GRIK2: variants seen among roughly 807,000 people sequenced by gnomAD.
GRIK2 encodes glutamate ionotropic receptor kainate type subunit 2.
Under a neutral mutation model 100.3 loss-of-function variants are expected in GRIK2, and 32 were observed. The ratio of observed to expected loss-of-function variants is 0.32; its 90% CI spans 0.24 to 0.43. GRIK2 has a LOEUF of 0.43. Ranked by LOEUF, GRIK2 falls within the 20% of genes least tolerant of loss-of-function variation. The pLI, the probability that GRIK2 is intolerant of heterozygous loss-of-function variation, is 1.00. For missense variants in GRIK2, 843 were observed against 1,114.9 expected (o/e 0.76, Z 3.47); for synonymous variants, 417 against 389.4 (o/e 1.07, Z -0.83).
intron 2 of GRIK2, among the ~76,000 whole-genome samples, chr6:101,550,572 C>T (rs1776460354): frequency 6.6e-6 from 1 of 152,150 alleles, no homozygotes; most frequent in East Asian, 1.9e-4. Flanking sequence ...TAAATCTTTT[C>T]TCCAATTGTG....
chr6:101,522,398 A>G (rs1416011995), intron 2 of GRIK2, among the ~76,000 whole-genome samples: 1 of 152,152 alleles, frequency 6.6e-6, no homozygotes, highest in East Asian at 1.9e-4. Flanking sequence ...TGGCATAACA[A>G]GCTTTTTATT....
chr6:101,708,932 T>C (rs951311858), intron 7 of GRIK2, among the ~76,000 whole-genome samples: 3 of 151,960 alleles, frequency 2.0e-5, no homozygotes, highest in African/African-American at 7.2e-5. Flanking sequence ...ATCAGCTCAT[T>C]AGGGTCGGCC....
chr6:101,590,323 C>A (rs137987606), intron 2 of GRIK2, among the ~76,000 whole-genome samples: 2 of 152,144 alleles, frequency 1.3e-5, no homozygotes, highest in East Asian at 3.9e-4. Flanking sequence ...CAATAAAGGG[C>A]ATTGGAGAGC....
At chr6:101,459,107 A>ATT (rs34684611) in intron 2 of GRIK2, among the ~76,000 whole-genome samples, 9 of 149,218 alleles carry the variant, frequency 6.0e-5, no homozygotes, top group Non-Finnish European at 1.2e-4. Context: ...CCAGAACACC[A>ATT]TTTTTTTTTT....
At chr6:101,771,153 ATTCT>A (rs1778376064) in intron 7 of GRIK2, among the ~76,000 whole-genome samples, 1 of 152,092 alleles carries the variant, frequency 6.6e-6, no homozygotes, top group Admixed American at 6.6e-5. Context: ...TTATCATTTG[ATTCT>A]TTCATTTTGA....
intron 16 of GRIK2, among the ~76,000 whole-genome samples, chr6:102,060,479 C>T (rs1771691211): frequency 6.6e-6 from 1 of 150,638 alleles, no homozygotes; most frequent in Admixed American, 6.7e-5. Flanking sequence ...TTCTGTATTT[C>T]ATGGAAACAG....
At chr6:101,578,936 C>T (rs918889003) in intron 2 of GRIK2, among the ~76,000 whole-genome samples, 1 of 152,262 alleles carries the variant, frequency 6.6e-6, no homozygotes, top group East Asian at 1.9e-4. Flanking sequence ...ATCACAACTC[C>T]TACCATTTTC....
At chr6:101,976,334 T>G (rs569264551) in intron 14 of GRIK2, among the ~76,000 whole-genome samples, 7 of 152,014 alleles carry the variant, frequency 4.6e-5, no homozygotes, top group African/African-American at 1.2e-4. Context: ...TCCAGATTGT[T>G]TAGATGAGTG....
rs569373270 is a variant in GRIK2, at chr6:102,013,731, T to C, written c.2086-21610T>C. Reference sequence around the variant, plus strand: ...AGTTATTTTTATATGATGAATCACATTAGTTGATTTGTGTATGCTGAACCA... The same window carrying C: ...AGTTATTTTTATATGATGAATCACACTAGTTGATTTGTGTATGCTGAACCA... On this transcript the variant is annotated intron_variant, in intron 14 of 16. Transcript: ENST00000369134. Among the ~76,000 whole-genome samples the C allele has an allele frequency of 3.9e-5, 6 of 152,288 alleles. No individual in the cohort carries two copies. The South Asian group carries it at 8.3e-4, about 21-fold the overall frequency.
intron 12 of GRIK2, among the ~76,000 whole-genome samples, chr6:101,894,537 C>T (rs896740520): frequency 1.3e-5 from 2 of 151,662 alleles, no homozygotes; most frequent in Non-Finnish European, 1.5e-5. Context: ...TTCATGCTTA[C>T]TCAGATTTTC....
intron 4 of GRIK2, among the ~76,000 whole-genome samples, chr6:101,674,279 G>C (rs1770663068): frequency 6.6e-6 from 1 of 152,140 alleles, no homozygotes; most frequent in South Asian, 2.1e-4. Context: ...GCATGCATGA[G>C]TTCTACCCTC....
rs147050237 is a variant in GRIK2 at position 102,015,496 on chromosome 6, C to T, written c.2086-19845C>T. Among the ~76,000 whole-genome samples the T allele has an allele frequency of 2.6e-3, 394 of 152,280 alleles. 2 individuals carry two copies. The highest frequency in any genetic ancestry group is 9.0e-3 in the African/African-American group (375 of 41,548). ...AGTCCTACACCAGAGCCCTGCCCTACTGCTAACACTGCTACGAGTACAGAT... is the reference window on the plus strand; with the variant it reads ...AGTCCTACACCAGAGCCCTGCCCTATTGCTAACACTGCTACGAGTACAGAT... On this transcript the variant is annotated intron_variant, in intron 14 of 16. Transcript: ENST00000369134.
chr6:101,538,290 T>C (rs1270639424), intron 2 of GRIK2, among the ~76,000 whole-genome samples: 1 of 151,688 alleles, frequency 6.6e-6, no homozygotes, highest in African/African-American at 2.4e-5. Context: ...TAAAGTGTAG[T>C]TCTGAAAAAC....
intron 2 of GRIK2, among the ~76,000 whole-genome samples, chr6:101,560,175 C>G (rs72959120): frequency 0.15 from 22,284 of 152,056 alleles, 1,851 homozygotes; most frequent in Admixed American, 0.2. Context: ...GAGCATCACT[C>G]GCCTCCATCA....
chr6:101,493,937 A>T lies in GRIK2; in HGVS notation c.115+94545A>T, dbSNP rs1023746887. 2.1e-5 allele frequency among the ~76,000 whole-genome samples: 3 copies of T among 142,438 alleles called. No homozygotes were observed. In the East Asian group the frequency reaches 5.9e-4, roughly 28 times the overall value. 93.4% of individuals were successfully genotyped at this position (142,438 alleles called of 152,430 possible). ...TTATTATATATATTTTATATATAAT[A>T]TGTATTTATATATAATATATATATT... On this transcript the variant is annotated intron_variant, in intron 2 of 16. Coordinates refer to ENST00000369134, the MANE Select transcript of GRIK2 (RefSeq NM_021956.5).
chr6:101,647,560 T>C (rs534698084), intron 4 of GRIK2, among the ~76,000 whole-genome samples: 7 of 151,924 alleles, frequency 4.6e-5, no homozygotes, highest in African/African-American at 1.7e-4. Context: ...CAGAGATGAG[T>C]AAATGGTATA....
At chr6:101,457,730 C>T (rs1449729559) in intron 2 of GRIK2, among the ~76,000 whole-genome samples, 1 of 152,022 alleles carries the variant, frequency 6.6e-6, no homozygotes, top group East Asian at 1.9e-4. Context: ...TGGTGCTTCA[C>T]AGTTTACTTC....
intron 9 of GRIK2, among the ~76,000 whole-genome samples, chr6:101,814,813 C>T (rs1311658666): frequency 6.6e-6 from 1 of 151,960 alleles, no homozygotes; most frequent in African/African-American, 2.4e-5. Context: ...TTTGTGTAGT[C>T]ATTATAATTA....
chr6:101,555,871 T>C (rs1776712141), intron 2 of GRIK2, among the ~76,000 whole-genome samples: 1 of 152,122 alleles, frequency 6.6e-6, no homozygotes, highest in Non-Finnish European at 1.5e-5. Flanking sequence ...GATGGGGTAA[T>C]AAATTCCTAA....
Sources: gnomAD v4.1 joint callset for allele counts (sites outside exome capture counted in the v4.1 genomes callset) on GRCh38, gnomAD v4.1.1 for gene constraint, MANE v1.5 for transcripts, NCBI Gene and HGNC (gene_info 2026-07-23, HGNC 2026-07-21) for gene names.